Variants in SREBF2 observed in about 807,000 individuals in gnomAD.
SREBF2 encodes sterol regulatory element binding transcription factor 2, also known as sterol regulatory element-binding protein 2.
Under a neutral mutation model 113.1 loss-of-function variants are expected in SREBF2, and 55 were observed. That is an observed-to-expected ratio of 0.49 (90% CI 0.39 to 0.61). SREBF2 has a LOEUF of 0.61. SREBF2 is among the 20% of genes least tolerant of loss of function. SREBF2 has a pLI of 0.00. For synonymous variants in SREBF2, 593 were observed against 605.7 expected, an observed-to-expected ratio of 0.98 and a Z score of 0.31; for missense variants, 1,349 against 1,487.4, an observed-to-expected ratio of 0.91 and a Z score of 1.53.
intron 4 of SREBF2, among the ~76,000 whole-genome samples, chr22:41,871,588 A>C (rs1339761940): frequency 1.3e-5 from 2 of 152,226 alleles, no homozygotes; most frequent in African/African-American, 4.8e-5. Flanking sequence ...AATTATGCCT[A>C]GCAATTAAAA....
chr22:41,870,394 C>A (rs973011644), intron 3 of SREBF2, among the ~76,000 whole-genome samples: 3 of 152,110 alleles, frequency 2.0e-5, no homozygotes, highest in Non-Finnish European at 4.4e-5. Flanking sequence ...GAGGCTGAGG[C>A]AGGTGGATTT....
Position 41,868,526 on chromosome 22 carries a change from A to T in SREBF2, c.539-85A>T. 3 of 1,459,220 alleles carry T rather than the reference A, an allele frequency of 2.1e-6. No individual in the cohort carries two copies. In the South Asian group the frequency reaches 3.5e-5, roughly 17 times the overall value. 90.4% of individuals were successfully genotyped at this position (1,459,220 alleles called of 1,614,324 possible). ...GGTGGGGAGTTGGAATCATTATGAG[A>T]TACTCCATCCTCAGGTTTCTGCTGC... On this transcript the variant is annotated intron_variant, in intron 2 of 18. Transcript: ENST00000361204.
intron 1 of SREBF2, among the ~76,000 whole-genome samples, chr22:41,861,435 G>C (rs555105445): frequency 6.6e-6 from 1 of 152,084 alleles, no homozygotes; most frequent in African/African-American, 2.4e-5. Context: ...TGTGGAGGTT[G>C]TGGTGAGCCA....
At chr22:41,897,294 G>A in intron 14 of SREBF2, 133 bp downstream of exon 14, 1 of 604,200 alleles carries the variant, frequency 1.7e-6, no homozygotes, top group Non-Finnish European at 2.9e-6. Context: ...CATACCTGTG[G>A]CTCCAGTTCA....
intron 1 of SREBF2, among the ~76,000 whole-genome samples, chr22:41,859,875 A>G (rs2077010561): frequency 2.2e-5 from 3 of 135,062 alleles, no homozygotes; most frequent in Non-Finnish European, 3.0e-5. Context: ...CAGTGGCGCA[A>G]TCTCGGTGCA....
intron 11 of SREBF2, 117 bp from the exon 12 acceptor site, chr22:41,893,000 G>A (rs1041716967): frequency 2.3e-6 from 3 of 1,286,354 alleles, no homozygotes; most frequent in African/African-American, 2.9e-5. Flanking sequence ...TCCCTGTGCT[G>A]ATCTTTCCCA....
intron 4 of SREBF2, 66 bp from the exon 5 acceptor site, chr22:41,873,732 G>T: frequency 1.3e-6 from 2 of 1,514,416 alleles, no homozygotes; most frequent in Admixed American, 3.9e-5. Context: ...GGGCAGGTCT[G>T]TGTTGAGGTT....
intron 1 of SREBF2, among the ~76,000 whole-genome samples, chr22:41,856,165 C>T (rs763113376): frequency 4.0e-5 from 6 of 151,898 alleles, no homozygotes; most frequent in Non-Finnish European, 7.4e-5. Flanking sequence ...CTTGGTCTGT[C>T]ACCCAGGTTG....
At chr22:41,878,515 C>T (rs1216445471) in intron 9 of SREBF2, 3 of 447,562 alleles carry the variant, frequency 6.7e-6, no homozygotes, top group Non-Finnish European at 1.2e-5. Context: ...GAGTTGAAGG[C>T]AAAGGCTGGT....
chr22:41,889,464 T>A (rs1286839857), intron 11 of SREBF2, among the ~76,000 whole-genome samples: 2 of 152,182 alleles, frequency 1.3e-5, no homozygotes, highest in Non-Finnish European at 2.9e-5. Flanking sequence ...CTAATAGGTA[T>A]TTAAATTGTC....
intron 15 of SREBF2, chr22:41,899,572 G>A (rs2148418612): frequency 1.0e-6 from 1 of 991,924 alleles, no homozygotes; most frequent in East Asian, 1.1e-4. Flanking sequence ...ACACAGGCTT[G>A]AAGTCCTTTG....
intron 15 of SREBF2, chr22:41,899,311 G>A (rs1396861685): frequency 5.8e-6 from 6 of 1,032,944 alleles, no homozygotes; most frequent in Admixed American, 5.0e-5. Flanking sequence ...TGGCATAACC[G>A]GAGAGCTTTT....
At position 41,833,118 on chromosome 22, in the gene SREBF2, G is replaced by A. The variant is rs530290659; in HGVS notation, c.-153G>A. On this transcript the variant is annotated 5_prime_UTR_variant, in exon 1 of 19. Transcript: ENST00000361204. This position sits in a 1 kb window ranked among gnomAD's most constrained non-coding sequence, Gnocchi z 4.1. ...TCCCGCCCCGCCCTTTCTGTGCGGC[G>A]CCCGGGCGCAACGCAAACATGGCGG... is the stretch of plus-strand genomic sequence containing the variant. The A allele has an allele frequency of 5.7e-5, 31 of 544,996 alleles. No homozygotes were observed. In the South Asian group the frequency reaches 8.9e-4, roughly 16 times the overall value. 33.8% of individuals were successfully genotyped at this position (544,996 alleles called of 1,614,324 possible). A position where few individuals can be genotyped will look rare whatever the true frequency, so the allele number is the denominator to read the frequency against.
intron 1 of SREBF2, among the ~76,000 whole-genome samples, chr22:41,858,447 C>A (rs757955591): frequency 6.6e-6 from 1 of 152,106 alleles, no homozygotes; most frequent in African/African-American, 2.4e-5. Context: ...TCATGCCATG[C>A]GAAATCATGC....
At position 41,875,622 on chromosome 22, in the gene SREBF2, C is replaced by T; in HGVS notation, c.1284C>T (p.Val428=). The change falls in exon 7 of 19, where the codon GTC becomes GTT. Residue 428 remains valine (V), a synonymous_variant. Transcript: ENST00000361204. ...DLKIEDFNQN[V]LLMSPPASDS... ...AGATCGAGGACTTTAATCAGAATGT[C>T]CTTCTGATGTCCCCCCCAGCCTCTG... 6.2e-7 allele frequency: 1 copy of T among 1,614,184 alleles called. No homozygotes were observed.
Position 41,903,005 on chromosome 22 carries a change from G to A in SREBF2, c.2943G>A (p.Ser981=), listed in dbSNP as rs548716904. 42 of 1,611,512 alleles carry A rather than the reference G, an allele frequency of 2.6e-5. No individual in the cohort carries two copies. Among genetic ancestry groups the A allele is most frequent in the Middle Eastern group, 3.3e-4 (2 of 6,058 alleles). ...TGCTCACCTGTGACCTGCTACTGTCGCTACGGACAGCGCTCTGGCAAAAAC... is the reference window on the plus strand; with the variant it reads ...TGCTCACCTGTGACCTGCTACTGTCACTACGGACAGCGCTCTGGCAAAAAC... The part of the protein sequence containing the change: ...VQLLTCDLLL[S]LRTALWQKQA... The change falls in exon 17 of 19, where the codon TCG becomes TCA. Residue 981 remains serine (S), a synonymous_variant. Transcript: ENST00000361204.
chr22:41,862,859 G>A (rs911719730), intron 1 of SREBF2, among the ~76,000 whole-genome samples: 3 of 152,204 alleles, frequency 2.0e-5, no homozygotes, highest in Non-Finnish European at 4.4e-5. Context: ...GACTGGAGAT[G>A]GCTCCACTGG....
At chr22:41,839,615 A>G (rs892911734) in intron 1 of SREBF2, among the ~76,000 whole-genome samples, 1 of 152,202 alleles carries the variant, frequency 6.6e-6, no homozygotes, top group Non-Finnish European at 1.5e-5. Context: ...TAATTTTTTC[A>G]ATGAGCTGAT....
At position 41,905,789 on chromosome 22, in the gene SREBF2, C is replaced by G. The variant is rs2077503667; in HGVS notation, c.*129C>G. On this transcript the variant is annotated 3_prime_UTR_variant, in exon 19 of 19. Transcript: ENST00000361204. ...GTCACCTGCCGAGGCTTCTGGGCCA[C>G]TCAGGCCAGTGCACCCCTGGGCAGA... 4 of 1,067,720 alleles carry G rather than the reference C, an allele frequency of 3.7e-6. No individual in the cohort carries two copies. Among genetic ancestry groups the G allele is most frequent in the Admixed American group, 2.0e-5 (1 of 50,268 alleles). The allele number at this position is 1,067,720 out of a possible 1,614,324, so 66.1% of individuals were successfully genotyped here.
Sources: gnomAD v4.1 joint callset for allele counts (sites outside exome capture counted in the v4.1 genomes callset) on GRCh38, gnomAD v4.1.1 for gene constraint, Gnocchi (gnomAD v3.1) non-coding constraint, MANE v1.5 for transcripts, NCBI Gene and HGNC (gene_info 2026-07-23, HGNC 2026-07-21) for gene names.